Variants in DLGAP2 observed in about 807,000 individuals in gnomAD.
The protein encoded by DLGAP2 is DLG associated protein 2.
DLGAP2 carries 26 observed loss-of-function variants against 100.3 expected under a neutral mutation model. The observed-to-expected ratio is 0.26, with a 90% CI of 0.19 to 0.36. DLGAP2 has a LOEUF of 0.36. DLGAP2 is among the 10% of genes least tolerant of loss of function. DLGAP2 has a pLI of 1.00. For synonymous variants in DLGAP2, 886 were observed against 630.1 expected, an observed-to-expected ratio of 1.41 and a Z score of -6.08; for missense variants, 1,858 against 1,453.2, an observed-to-expected ratio of 1.28 and a Z score of -4.53.
At chr8:1,189,426 A>G (rs1037940446) in intron 2 of DLGAP2, among the ~76,000 whole-genome samples, 17 of 152,230 alleles carry the variant, frequency 1.1e-4, no homozygotes, top group African/African-American at 3.6e-4. Context: ...TGTCAGAAGC[A>G]TTTGGAAGAG....
At chr8:806,142 T>C (rs1796264229) in intron 1 of DLGAP2, among the ~76,000 whole-genome samples, 2 of 152,232 alleles carry the variant, frequency 1.3e-5, no homozygotes, top group African/African-American at 2.4e-5. Context: ...AATTTACCTG[T>C]GTAGAATTGC....
intron 2 of DLGAP2, among the ~76,000 whole-genome samples, chr8:1,090,316 C>T (rs1013848113): frequency 3.8e-5 from 5 of 130,266 alleles, no homozygotes; most frequent in Admixed American, 8.7e-5. Context: ...ACTCACACAC[C>T]GAGGACCTGC....
intron 1 of DLGAP2, among the ~76,000 whole-genome samples, chr8:801,870 G>C (rs879611183): frequency 6.6e-6 from 1 of 152,020 alleles, no homozygotes; most frequent in African/African-American, 2.4e-5. Context: ...TACCTGAGCC[G>C]CCTGACCCTG....
chr8:1,697,113 C>T (rs369759173), intron 13 of DLGAP2, 34 bp from the exon 14 acceptor site: 13 of 1,507,704 alleles, frequency 8.6e-6, no homozygotes, highest in Non-Finnish European at 1.1e-5. Flanking sequence ...GCAGGAGACT[C>T]TCCTGGCTCT....
intron 3 of DLGAP2, among the ~76,000 whole-genome samples, chr8:1,368,121 G>C (rs905612224): frequency 6.6e-6 from 1 of 152,170 alleles, no homozygotes; most frequent in Non-Finnish European, 1.5e-5. Flanking sequence ...ATGTATGTAG[G>C]CATGTGCGTG....
At chr8:1,154,329 AG>A (rs1796743311) in intron 2 of DLGAP2, among the ~76,000 whole-genome samples, 1 of 152,190 alleles carries the variant, frequency 6.6e-6, no homozygotes, top group African/African-American at 2.4e-5. Context: ...ACAGCAGAAC[AG>A]CCAGGACCAG....
intron 2 of DLGAP2, among the ~76,000 whole-genome samples, chr8:1,027,278 T>A (rs748835411): frequency 1.3e-5 from 2 of 152,272 alleles, no homozygotes; most frequent in Non-Finnish European, 2.9e-5. Context: ...ACGCCCGTGG[T>A]GCTGCAGGTG....
At chr8:1,210,856 T>C (rs1798089020) in intron 2 of DLGAP2, among the ~76,000 whole-genome samples, 1 of 152,118 alleles carries the variant, frequency 6.6e-6, no homozygotes, top group Admixed American at 6.5e-5. Flanking sequence ...TCCCCTGTAG[T>C]TCCCCCTCCC....
chr8:1,467,653 T>G (rs952864401), intron 3 of DLGAP2, among the ~76,000 whole-genome samples: 6 of 152,166 alleles, frequency 3.9e-5, no homozygotes, highest in Admixed American at 1.3e-4. Context: ...CCCATAAGCC[T>G]GCACATTTTA....
chr8:1,407,918 C>T lies in DLGAP2; in HGVS notation c.107-93448C>T, dbSNP rs1189422208. The stretch of plus-strand genomic sequence containing the variant: ...TCATGTATTGAGTGCTGACTGAGTA[C>T]CGCAGGGTCCACCTCAGGGCTTCCA... On this transcript the variant is annotated intron_variant, in intron 3 of 14. Coordinates refer to ENST00000637795, the MANE Select transcript of DLGAP2 (RefSeq NM_001346810.2). Among the ~76,000 whole-genome samples, 7 of 152,372 alleles carry T rather than the reference C, an allele frequency of 4.6e-5. No homozygotes were observed. The South Asian group carries it at 1.4e-3, about 32-fold the overall frequency.
chr8:997,863 CACAA>C (rs34575802), intron 2 of DLGAP2, among the ~76,000 whole-genome samples: 25,025 of 151,596 alleles, frequency 0.17, 2,533 homozygotes, highest in Non-Finnish European at 0.23. Flanking sequence ...CACACATACA[CACAA>C]ACACACATAC....
At chr8:1,274,106 C>T (rs576778452) in intron 3 of DLGAP2, among the ~76,000 whole-genome samples, 2 of 152,152 alleles carry the variant, frequency 1.3e-5, no homozygotes, top group Admixed American at 1.3e-4. Context: ...TTGCAAGAGT[C>T]AGATTTTTTT....
intron 6 of DLGAP2, among the ~76,000 whole-genome samples, chr8:1,613,822 C>G (rs1285780445): frequency 6.6e-6 from 1 of 152,176 alleles, no homozygotes; most frequent in African/African-American, 2.4e-5. Flanking sequence ...TCACACTGGC[C>G]TCCTCTGTAT....
At chr8:1,260,872 G>A (rs1322254723) in intron 3 of DLGAP2, among the ~76,000 whole-genome samples, 1 of 152,216 alleles carries the variant, frequency 6.6e-6, no homozygotes, top group Non-Finnish European at 1.5e-5. Context: ...CCAGCCTTAG[G>A]TCTGTGACCT....
At chr8:1,006,238 A>G (rs1356115246) in intron 2 of DLGAP2, among the ~76,000 whole-genome samples, 1 of 152,168 alleles carries the variant, frequency 6.6e-6, no homozygotes, top group Non-Finnish European at 1.5e-5. Context: ...ACCCCTGAAA[A>G]AGATGGACAA....
chr8:996,514 C>G (rs919635144), intron 2 of DLGAP2, among the ~76,000 whole-genome samples: 4 of 152,112 alleles, frequency 2.6e-5, no homozygotes, highest in African/African-American at 9.7e-5. Flanking sequence ...TTGTGCCTGT[C>G]GATGGGATGT....
intron 7 of DLGAP2, among the ~76,000 whole-genome samples, chr8:1,630,653 G>T (rs1337193182): frequency 1.3e-5 from 2 of 150,984 alleles, no homozygotes; most frequent in Admixed American, 6.6e-5. Flanking sequence ...AGTGAGCCGA[G>T]ATCACGCCAC....
At chr8:896,738 C>T (rs144144424) in intron 1 of DLGAP2, among the ~76,000 whole-genome samples, 5 of 152,218 alleles carry the variant, frequency 3.3e-5, no homozygotes, top group African/African-American at 9.6e-5. Context: ...CAGACACTGC[C>T]GTCACCTCCG....
At position 1,704,813 on chromosome 8, in the gene DLGAP2, G is replaced by A. The variant is rs1468782276; in HGVS notation, c.*3407G>A. On this transcript the variant is annotated 3_prime_UTR_variant, in exon 15 of 15. Coordinates refer to ENST00000637795, the MANE Select transcript of DLGAP2 (RefSeq NM_001346810.2). ...TACAAACTCAGTGACCTACTACGCA[G>A]AGGGAATTTTTCCCTGCTGCTTCTT... 2.0e-5 allele frequency: 3 copies of A among 151,938 alleles called. No individual in the cohort carries two copies. Among genetic ancestry groups the A allele is most frequent in the East Asian group, 1.9e-4 (1 of 5,188 alleles). 9.4% of individuals were successfully genotyped at this position (151,938 alleles called of 1,614,324 possible).
Sources: gnomAD v4.1 joint callset for allele counts (sites outside exome capture counted in the v4.1 genomes callset) on GRCh38, gnomAD v4.1.1 for gene constraint, MANE v1.5 for transcripts, NCBI Gene and HGNC (gene_info 2026-07-23, HGNC 2026-07-21) for gene names.